Variants in EPB41L3 observed in about 807,000 individuals in gnomAD.
The protein encoded by EPB41L3 is band 4.1-like protein 3.
A neutral mutation model predicts 127.1 loss-of-function variants in EPB41L3; 57 were observed. The observed-to-expected ratio is 0.45, with a 90% confidence interval of 0.36 to 0.56. The LOEUF is 0.56. EPB41L3 is among the 20% of genes least tolerant of loss of function. The probability of loss-of-function intolerance (pLI) is 0.00; values close to 1 mark genes in which losing one functional copy is unlikely to be tolerated. For synonymous variants in EPB41L3, 572 were observed against 549.5 expected, an observed-to-expected ratio of 1.04 and a Z score of -0.57; for missense variants, 1,273 against 1,372.2, an observed-to-expected ratio of 0.93 and a Z score of 1.14.
intron 1 of EPB41L3, among the ~76,000 whole-genome samples, chr18:5,542,101 T>A (rs1468035175): frequency 6.6e-6 from 1 of 152,252 alleles, no homozygotes; most frequent in Non-Finnish European, 1.5e-5. Flanking sequence ...TTAATTTTGT[T>A]ACTCCAACTA....
chr18:5,596,000 T>G (rs1342489939), intron 3 of EPB41L3, among the ~76,000 whole-genome samples: 2 of 152,148 alleles, frequency 1.3e-5, no homozygotes, highest in Non-Finnish European at 2.9e-5. Flanking sequence ...AAAAAGCAAT[T>G]TAAAATTCAC....
At chr18:5,442,059 T>C (rs2080862672) in intron 5 of EPB41L3, among the ~76,000 whole-genome samples, 1 of 152,344 alleles carries the variant, frequency 6.6e-6, no homozygotes, top group Non-Finnish European at 1.5e-5. Context: ...ACATTTTATA[T>C]ATTTTCAAAG....
chr18:5,441,141 C>A (rs1192581286), intron 5 of EPB41L3, among the ~76,000 whole-genome samples: 1 of 152,196 alleles, frequency 6.6e-6, no homozygotes, highest in African/African-American at 2.4e-5. Flanking sequence ...GTCCTCCTGT[C>A]TTGGCCTCCC....
At chr18:5,466,114 T>C (rs1431600149) in intron 3 of EPB41L3, among the ~76,000 whole-genome samples, 1 of 152,220 alleles carries the variant, frequency 6.6e-6, no homozygotes, top group East Asian at 1.9e-4. Flanking sequence ...CAAACAACAT[T>C]GGACTGAAAT....
intron 3 of EPB41L3, among the ~76,000 whole-genome samples, chr18:5,453,802 A>T (rs1035545518): frequency 2.0e-5 from 3 of 152,228 alleles, no homozygotes; most frequent in African/African-American, 7.2e-5. Flanking sequence ...CACAGCAGGC[A>T]TTCGATCTAT....
chr18:5,445,456 C>T (rs111459176), intron 3 of EPB41L3, among the ~76,000 whole-genome samples: 2 of 152,112 alleles, frequency 1.3e-5, no homozygotes, highest in Non-Finnish European at 2.9e-5. Context: ...AAAAGCCCAC[C>T]CCACAAATAA....
chr18:5,447,224 C>T (rs2081595425), intron 3 of EPB41L3, among the ~76,000 whole-genome samples: 1 of 152,090 alleles, frequency 6.6e-6, no homozygotes, highest in Non-Finnish European at 1.5e-5. Context: ...TCAAATGTGG[C>T]CTAGTGGTGG....
At chr18:5,411,998 C>T (rs2076257122) in intron 13 of EPB41L3, among the ~76,000 whole-genome samples, 1 of 152,092 alleles carries the variant, frequency 6.6e-6, no homozygotes, top group Non-Finnish European at 1.5e-5. Flanking sequence ...ACCTGACCGG[C>T]TTGGTTAACA....
In EPB41L3 at chr18:5,395,051, G is replaced by A. The variant is rs766905896; in HGVS notation, c.3153+16C>T. The A allele has an allele frequency of 2.0e-5, 33 of 1,611,604 alleles. No individual in the cohort carries two copies. The highest frequency in any genetic ancestry group is 1.6e-4 in the Middle Eastern group (1 of 6,080). ...TTGTTTCTCTGCCAGGGTATTTACC[G>A]TCTCACACACACTACCTGGTCATGG... On this transcript the variant is annotated intron_variant, in intron 21 of 22. Coordinates refer to ENST00000341928, the MANE Select transcript of EPB41L3 (RefSeq NM_012307.5).
intron 1 of EPB41L3, among the ~76,000 whole-genome samples, chr18:5,509,478 T>C (rs1234841193): frequency 6.6e-6 from 1 of 152,204 alleles, no homozygotes; most frequent in African/African-American, 2.4e-5. Context: ...ACATTAATCT[T>C]CCTATTTCAC....
At chr18:5,564,970 C>T (rs1463871584) in intron 3 of EPB41L3, among the ~76,000 whole-genome samples, 4 of 152,114 alleles carry the variant, frequency 2.6e-5, no homozygotes, top group African/African-American at 9.7e-5. Context: ...GAACTTTTCC[C>T]TCAAAATAAA....
At chr18:5,596,888 GT>G (rs2143691519) in intron 3 of EPB41L3, among the ~76,000 whole-genome samples, 1 of 152,152 alleles carries the variant, frequency 6.6e-6, no homozygotes, top group East Asian at 1.9e-4. Flanking sequence ...TTTTTAAGGA[GT>G]TTATTTTCCA....
intron 1 of EPB41L3, among the ~76,000 whole-genome samples, chr18:5,512,820 A>C (rs1251428271): frequency 6.6e-6 from 1 of 152,152 alleles, no homozygotes; most frequent in Admixed American, 6.5e-5. Flanking sequence ...ATCATCGTCA[A>C]AATTTCAAGT....
At chr18:5,465,565 T>A (rs2084807241) in intron 3 of EPB41L3, among the ~76,000 whole-genome samples, 1 of 152,166 alleles carries the variant, frequency 6.6e-6, no homozygotes, top group South Asian at 2.1e-4. Flanking sequence ...GGAATATATG[T>A]TTTATGGGGT....
chr18:5,493,033 T>C (rs2090774535), intron 1 of EPB41L3, among the ~76,000 whole-genome samples: 1 of 152,214 alleles, frequency 6.6e-6, no homozygotes, highest in African/African-American at 2.4e-5. Flanking sequence ...TTGGGCTTTG[T>C]TCCTTTTCAG....
At chr18:5,455,926 G>A (rs528298913) in intron 3 of EPB41L3, among the ~76,000 whole-genome samples, 8 of 151,936 alleles carry the variant, frequency 5.3e-5, no homozygotes, top group Non-Finnish European at 1.0e-4. Flanking sequence ...AAACAGACAC[G>A]TACTTAAACC....
chr18:5,585,633 A>G (rs1442300575), intron 3 of EPB41L3, among the ~76,000 whole-genome samples: 3 of 152,128 alleles, frequency 2.0e-5, no homozygotes, highest in Non-Finnish European at 4.4e-5. Flanking sequence ...GAACCTAAAA[A>G]TTCTATTATG....
intron 1 of EPB41L3, chr18:5,540,630 TA>T: frequency 1.2e-6 from 1 of 806,160 alleles, no homozygotes; most frequent in Non-Finnish European, 1.5e-6. Context: ...TTGAAAGAAA[TA>T]GATGCAGCGA....
At chr18:5,616,213 T>C (rs1263162787) in intron 1 of EPB41L3, among the ~76,000 whole-genome samples, 1 of 152,028 alleles carries the variant, frequency 6.6e-6, no homozygotes, top group Non-Finnish European at 1.5e-5. Context: ...GTTCTACATC[T>C]CAAGCCCACT....
Sources: allele counts gnomAD v4.1 joint callset (sites outside exome capture counted in the v4.1 genomes callset), GRCh38; gene constraint gnomAD v4.1.1; transcripts MANE v1.5; gene names NCBI Gene and HGNC (gene_info 2026-07-23, HGNC 2026-07-21).